The following GPC5 variants were observed in gnomAD, a reference collection of about 807,000 sequenced individuals.
GPC5 encodes glypican-5.
In GPC5, 47 loss-of-function variants were observed where a neutral mutation model predicts 53.9. That is an observed-to-expected ratio of 0.87 (90% confidence interval 0.69 to 1.11). The LOEUF (loss-of-function observed/expected upper bound fraction) is 1.11. Ranked by LOEUF, GPC5 falls within the 50% of genes most tolerant of loss-of-function variation. The pLI is 0.00. For missense variants in GPC5, 748 were observed against 713.1 expected, an observed-to-expected ratio of 1.05 and a Z score of -0.56; for synonymous variants, 286 against 263.3, an observed-to-expected ratio of 1.09 and a Z score of -0.84.
intron 7 of GPC5, among the ~76,000 whole-genome samples, chr13:92,155,153 A>G (rs2041934558): frequency 6.6e-6 from 1 of 152,142 alleles, no homozygotes; most frequent in Non-Finnish European, 1.5e-5. Context: ...ACAATATTTT[A>G]CGAGTTCTTT....
chr13:91,650,750 G>GTTTTTGT (rs1491353283), intron 2 of GPC5, among the ~76,000 whole-genome samples: 3 of 99,642 alleles, frequency 3.0e-5, no homozygotes, highest in African/African-American at 4.1e-5. Flanking sequence ...ATTCCCATAA[G>GTTTTTGT]TTTTTTTTTT....
intron 7 of GPC5, among the ~76,000 whole-genome samples, chr13:92,641,462 A>G (rs1380178678): frequency 2.0e-5 from 3 of 152,210 alleles, no homozygotes; most frequent in Non-Finnish European, 4.4e-5. Flanking sequence ...AGATATAAAA[A>G]CTAAATGCAG....
chr13:91,544,004 T>G (rs1159523093), intron 2 of GPC5, among the ~76,000 whole-genome samples: 1 of 152,156 alleles, frequency 6.6e-6, no homozygotes, highest in Non-Finnish European at 1.5e-5. Flanking sequence ...TATTTGAAAT[T>G]TTCCTGCCTG....
At chr13:91,473,178 C>A (rs147893250) in intron 2 of GPC5, among the ~76,000 whole-genome samples, 2 of 152,228 alleles carry the variant, frequency 1.3e-5, no homozygotes, top group East Asian at 3.9e-4. Context: ...ACAAGAACAA[C>A]ATGAGGAAAC....
At chr13:92,060,231 A>C (rs1007349508) in intron 6 of GPC5, among the ~76,000 whole-genome samples, 1 of 152,026 alleles carries the variant, frequency 6.6e-6, no homozygotes, top group Non-Finnish European at 1.5e-5. Context: ...AATTATGTAG[A>C]TATAAATACA....
intron 2 of GPC5, among the ~76,000 whole-genome samples, chr13:91,567,106 C>T (rs16946215): frequency 0.011 from 1,700 of 152,184 alleles, 42 homozygotes; most frequent in African/African-American, 0.039. Flanking sequence ...TTGGATCTTT[C>T]TCAGGGCCAG....
intron 2 of GPC5, among the ~76,000 whole-genome samples, chr13:91,611,129 C>T (rs944125855): frequency 1.4e-4 from 22 of 152,072 alleles, no homozygotes; most frequent in Non-Finnish European, 2.5e-4. Context: ...AAATTGCTTC[C>T]TTAATGAGGG....
chr13:92,379,244 AT>A (rs748606212), intron 7 of GPC5, among the ~76,000 whole-genome samples: 3 of 152,164 alleles, frequency 2.0e-5, no homozygotes, highest in African/African-American at 4.8e-5. Context: ...GGTGAAGTTC[AT>A]TTTGGTTAAG....
chr13:92,479,883 C>T (rs143309883), intron 7 of GPC5, among the ~76,000 whole-genome samples: 5 of 152,000 alleles, frequency 3.3e-5, no homozygotes, highest in Admixed American at 1.3e-4. Context: ...TGATAACTTG[C>T]GATGTAAAAT....
intron 7 of GPC5, among the ~76,000 whole-genome samples, chr13:92,694,347 C>T (rs1490270661): frequency 6.6e-6 from 1 of 152,194 alleles, no homozygotes; most frequent in Admixed American, 6.5e-5. Flanking sequence ...CTTGCACATG[C>T]ACCTGGAAAA....
intron 7 of GPC5, among the ~76,000 whole-genome samples, chr13:92,268,089 T>G (rs2042814680): frequency 6.7e-6 from 1 of 150,256 alleles, no homozygotes; most frequent in Non-Finnish European, 1.5e-5. Flanking sequence ...CAAAACACAA[T>G]GGATAAGGCA....
chr13:92,023,986 C>T (rs1414496059), intron 6 of GPC5, among the ~76,000 whole-genome samples: 1 of 151,978 alleles, frequency 6.6e-6, no homozygotes, highest in African/African-American at 2.4e-5. Context: ...TTATTGTACC[C>T]ATTTCACAAA....
intron 4 of GPC5, among the ~76,000 whole-genome samples, chr13:91,732,852 G>A (rs993609942): frequency 2.0e-5 from 3 of 152,110 alleles, no homozygotes; most frequent in African/African-American, 7.2e-5. Flanking sequence ...TGTTATTTCT[G>A]AGGTCTCTGC....
chr13:92,826,107 A>T (rs1370114380), intron 7 of GPC5, among the ~76,000 whole-genome samples: 1 of 152,152 alleles, frequency 6.6e-6, no homozygotes, highest in Non-Finnish European at 1.5e-5. Context: ...TTCCACTTGA[A>T]TATGGGCAAG....
intron 5 of GPC5, among the ~76,000 whole-genome samples, chr13:91,838,745 C>T (rs1326754810): frequency 6.6e-6 from 1 of 152,158 alleles, no homozygotes; most frequent in African/African-American, 2.4e-5. Context: ...ATGCAAGGGA[C>T]AGCAGCAGGT....
intron 4 of GPC5, among the ~76,000 whole-genome samples, chr13:91,754,542 A>G (rs1464278066): frequency 1.3e-5 from 2 of 152,074 alleles, no homozygotes; most frequent in Non-Finnish European, 2.9e-5. Flanking sequence ...AAGTCTCAAC[A>G]TTCCATCAAT....
chr13:92,078,415 A>T (rs2041269424), intron 6 of GPC5, among the ~76,000 whole-genome samples: 1 of 152,228 alleles, frequency 6.6e-6, no homozygotes, highest in Admixed American at 6.5e-5. Context: ...CTTCCTGTAA[A>T]GTGATAGGCC....
chr13:91,882,837 G>T (rs563563600), intron 5 of GPC5, among the ~76,000 whole-genome samples: 1 of 151,806 alleles, frequency 6.6e-6, no homozygotes, highest in African/African-American at 2.4e-5. Context: ...AGTTATTGCA[G>T]TTTTTGCTAA....
intron 5 of GPC5, among the ~76,000 whole-genome samples, chr13:91,798,858 C>A (rs2038089452): frequency 6.6e-6 from 1 of 152,180 alleles, no homozygotes; most frequent in Non-Finnish European, 1.5e-5. Context: ...TCCTTTCTCT[C>A]TGCAACCTCG....
Sources: gnomAD v4.1 joint callset for allele counts (sites outside exome capture counted in the v4.1 genomes callset) on GRCh38, gnomAD v4.1.1 for gene constraint, MANE v1.5 for transcripts, NCBI Gene and HGNC (gene_info 2026-07-23, HGNC 2026-07-21) for gene names.